The following DIAPH3 variants were observed in gnomAD, a reference collection of about 807,000 sequenced individuals.
DIAPH3 encodes protein diaphanous homolog 3.
DIAPH3 carries 117 observed loss-of-function variants against 144.3 expected under a neutral mutation model. That is an observed-to-expected ratio of 0.81 (90% CI 0.70 to 0.95). The LOEUF (loss-of-function observed/expected upper bound fraction) is 0.95. Ranked by LOEUF, DIAPH3 falls within the 40% of genes least tolerant of loss-of-function variation. The pLI, the probability that DIAPH3 is intolerant of heterozygous loss-of-function variation, is 0.00. For synonymous variants in DIAPH3, 519 were observed against 488.9 expected, an observed-to-expected ratio of 1.06 and a Z score of -0.81; for missense variants, 1,421 against 1,412.7, an observed-to-expected ratio of 1.01 and a Z score of -0.09.
chr13:60,119,466 G>T (rs2058780042), intron 2 of DIAPH3, among the ~76,000 whole-genome samples: 1 of 152,164 alleles, frequency 6.6e-6, no homozygotes, highest in Non-Finnish European at 1.5e-5. Flanking sequence ...GATAAATCTT[G>T]GCCGGGCGCG....
chr13:59,809,450 C>A (rs1316992816), intron 25 of DIAPH3, among the ~76,000 whole-genome samples: 1 of 150,004 alleles, frequency 6.7e-6, no homozygotes, highest in Non-Finnish European at 1.5e-5. Context: ...TGCAGTGAGC[C>A]GAGATCGCGC....
intron 27 of DIAPH3, among the ~76,000 whole-genome samples, chr13:59,680,809 A>G (rs901260353): frequency 2.0e-5 from 3 of 152,264 alleles, no homozygotes; most frequent in Admixed American, 6.5e-5. Context: ...CAATGGTACT[A>G]CTTTTCTCTA....
At chr13:60,156,277 T>A (rs933431683) in intron 1 of DIAPH3, among the ~76,000 whole-genome samples, 2 of 152,222 alleles carry the variant, frequency 1.3e-5, no homozygotes, top group African/African-American at 4.8e-5. Context: ...AATAATCTCA[T>A]TTTAAAATCC....
At chr13:59,968,228 T>C (rs2050164571) in intron 17 of DIAPH3, among the ~76,000 whole-genome samples, 2 of 152,188 alleles carry the variant, frequency 1.3e-5, no homozygotes, top group Admixed American at 1.3e-4. Context: ...TGCTAACAAG[T>C]TTCCCTTTTG....
chr13:60,007,691 T>A (rs577209289), intron 9 of DIAPH3, among the ~76,000 whole-genome samples: 2 of 152,252 alleles, frequency 1.3e-5, no homozygotes, highest in Non-Finnish European at 2.9e-5. Context: ...TTTGAACAAT[T>A]ATACCAATAA....
chr13:59,793,724 C>T (rs1013072137), intron 25 of DIAPH3, among the ~76,000 whole-genome samples: 3 of 151,850 alleles, frequency 2.0e-5, no homozygotes, highest in Admixed American at 2.0e-4. Flanking sequence ...TGAAAACTCC[C>T]AAGTTTTTAT....
chr13:60,120,947 T>C (rs1226940301), intron 2 of DIAPH3, among the ~76,000 whole-genome samples: 4 of 152,184 alleles, frequency 2.6e-5, no homozygotes, highest in Admixed American at 6.5e-5. Context: ...TATATAGCAA[T>C]AGATAATTAC....
chr13:59,692,063 T>C (rs2033552314), intron 27 of DIAPH3, among the ~76,000 whole-genome samples: 1 of 151,886 alleles, frequency 6.6e-6, no homozygotes, highest in Non-Finnish European at 1.5e-5. Flanking sequence ...TGTTCTATGG[T>C]TTTGATAAAA....
At chr13:60,006,353 T>A (rs2052875604) in intron 9 of DIAPH3, among the ~76,000 whole-genome samples, 1 of 152,194 alleles carries the variant, frequency 6.6e-6, no homozygotes, top group African/African-American at 2.4e-5. Context: ...TCATGTAATG[T>A]AATACTGTTG....
chr13:59,675,545 C>T (rs1229774878), intron 27 of DIAPH3, among the ~76,000 whole-genome samples: 2 of 152,068 alleles, frequency 1.3e-5, no homozygotes, highest in African/African-American at 4.8e-5. Flanking sequence ...CCACCACGCC[C>T]GGCTAATTTT....
chr13:60,154,408 C>T (rs1951930909), intron 1 of DIAPH3, among the ~76,000 whole-genome samples: 2 of 152,034 alleles, frequency 1.3e-5, no homozygotes, highest in South Asian at 4.1e-4. Flanking sequence ...GGGATTCAAC[C>T]CCTGAGAGTG....
At chr13:59,826,086 A>C (rs1314136860) in intron 24 of DIAPH3, among the ~76,000 whole-genome samples, 3 of 152,120 alleles carry the variant, frequency 2.0e-5, no homozygotes, top group South Asian at 2.1e-4. Context: ...ACTGAATGGG[A>C]ATAAACTGGA....
chr13:59,899,163 T>G (rs564202651), intron 20 of DIAPH3, among the ~76,000 whole-genome samples: 1 of 152,272 alleles, frequency 6.6e-6, no homozygotes, highest in Admixed American at 6.5e-5. Context: ...TTCCCTACTT[T>G]CGAGGCTTTG....
At position 60,115,616 on chromosome 13, in the gene DIAPH3, C is replaced by T. The variant is rs563352862; in HGVS notation, c.214-3430G>A. On this transcript the variant is annotated intron_variant, in intron 2 of 27. Coordinates refer to ENST00000400324, the MANE Select transcript of DIAPH3 (RefSeq NM_001042517.2). ...TGTTCACATTTCTCTTGACTGCAAA[C>T]GGCACCATCTTTAGTTCATGTTTGT... 2.0e-4 allele frequency among the ~76,000 whole-genome samples: 30 copies of T among 152,132 alleles called. No homozygotes were observed. In the East Asian group the frequency reaches 3.5e-3, roughly 18 times the overall value.
intron 27 of DIAPH3, among the ~76,000 whole-genome samples, chr13:59,706,557 T>C (rs1474799803): frequency 6.6e-6 from 1 of 152,244 alleles, no homozygotes. Context: ...TACTCTAATA[T>C]ATTGCTTAAT....
intron 27 of DIAPH3, among the ~76,000 whole-genome samples, chr13:59,768,379 A>T (rs908827998): frequency 1.3e-5 from 2 of 152,162 alleles, no homozygotes; most frequent in Non-Finnish European, 2.9e-5. Context: ...TACAGTTAAA[A>T]TAAATGAAAA....
At chr13:60,113,891 C>G (rs2058634349) in intron 2 of DIAPH3, among the ~76,000 whole-genome samples, 1 of 152,090 alleles carries the variant, frequency 6.6e-6, no homozygotes, top group Non-Finnish European at 1.5e-5. Context: ...ACCCACCTAC[C>G]AACTCTTTCC....
At chr13:59,682,884 T>C (rs1250945242) in intron 27 of DIAPH3, among the ~76,000 whole-genome samples, 1 of 152,206 alleles carries the variant, frequency 6.6e-6, no homozygotes, top group Non-Finnish European at 1.5e-5. Context: ...TCAAGTCTAG[T>C]GATGACCATA....
At chr13:59,671,515 A>G (rs1054455136) in intron 27 of DIAPH3, among the ~76,000 whole-genome samples, 1 of 152,124 alleles carries the variant, frequency 6.6e-6, no homozygotes, top group Non-Finnish European at 1.5e-5. Context: ...TCTGTTTAAG[A>G]TATTACAATT....
Sources: gnomAD v4.1 joint callset for allele counts (sites outside exome capture counted in the v4.1 genomes callset) on GRCh38, gnomAD v4.1.1 for gene constraint, MANE v1.5 for transcripts, NCBI Gene and HGNC (gene_info 2026-07-23, HGNC 2026-07-21) for gene names.